CDH12: variants seen among roughly 807,000 people sequenced by gnomAD.
CDH12 encodes the protein cadherin-12.
A neutral mutation model predicts 74.1 loss-of-function variants in CDH12; 41 were observed. The observed-to-expected ratio is 0.55, with a 90% confidence interval of 0.43 to 0.72. CDH12 has a LOEUF of 0.72. Among genes scored for constraint, CDH12 ranks in the 30% least tolerant of loss-of-function variants. The pLI, the probability that CDH12 is intolerant of heterozygous loss-of-function variation, is 0.00. For missense variants in CDH12, 945 were observed against 977.2 expected, an observed-to-expected ratio of 0.97 and a Z score of 0.44; for synonymous variants, 399 against 355.0, an observed-to-expected ratio of 1.12 and a Z score of -1.39.
intron 5 of CDH12, among the ~76,000 whole-genome samples, chr5:22,031,609 G>A (rs774006522): frequency 1.8e-4 from 28 of 152,122 alleles, no homozygotes; most frequent in Non-Finnish European, 4.0e-4. Context: ...AGATTTTGAT[G>A]TAAAGTGAGA....
intron 3 of CDH12, among the ~76,000 whole-genome samples, chr5:22,327,495 T>C (rs922158863): frequency 6.6e-6 from 1 of 151,682 alleles, no homozygotes; most frequent in Non-Finnish European, 1.5e-5. Flanking sequence ...AAACTGAAAG[T>C]GTTTTAATTA....
At chr5:21,883,206 A>G (rs1198390803) in intron 6 of CDH12, 10 of 1,392,778 alleles carry the variant, frequency 7.2e-6, no homozygotes, top group Non-Finnish European at 1.0e-5. Flanking sequence ...GGATGGAAAA[A>G]CACTGAATGA....
At chr5:22,453,288 A>G (rs928096292) in intron 2 of CDH12, among the ~76,000 whole-genome samples, 1 of 152,102 alleles carries the variant, frequency 6.6e-6, no homozygotes, top group Non-Finnish European at 1.5e-5. Context: ...GTAGTCCTGT[A>G]TTTATTGCAG....
intron 3 of CDH12, among the ~76,000 whole-genome samples, chr5:22,384,566 CT>C (rs1741921621): frequency 6.7e-6 from 1 of 148,636 alleles, no homozygotes; most frequent in African/African-American, 2.4e-5. Context: ...AAGAAAATGT[CT>C]TTTTTATCCA....
Position 22,300,330 on chromosome 5 carries a change from T to TAAA in CDH12, c.-332-87690_-332-87688dup, listed in dbSNP as rs1351696677. On this transcript the variant is annotated intron_variant, in intron 3 of 14. Coordinates refer to ENST00000382254, the MANE Select transcript of CDH12 (RefSeq NM_004061.5). ...TATGCACTGGTTCCTCTCCTCTGTG[T>TAAA]AAAACTTCTAACTGGTTCTTCTTGA... Among the ~76,000 whole-genome samples, 3 of 152,336 alleles carry TAAA rather than the reference T, an allele frequency of 2.0e-5. No individual in the cohort carries two copies. In the South Asian group the frequency reaches 6.2e-4, roughly 32 times the overall value.
rs139936044 is a variant in CDH12 at position 22,618,164 on chromosome 5, A to C, written c.-522-112800T>G. Among the ~76,000 whole-genome samples, 34 of 152,270 alleles carry C rather than the reference A, an allele frequency of 2.2e-4. No individual in the cohort carries two copies. In the East Asian group the frequency reaches 6.6e-3, roughly 29 times the overall value. ...TATTTAGTTTGCAGATGTCAAAATT[A>C]TAAATTGTTTTTCATTCAAATAATG... On this transcript the variant is annotated intron_variant, in intron 1 of 14. Transcript: ENST00000382254.
At chr5:22,836,841 C>A (rs1280390736) in intron 1 of CDH12, among the ~76,000 whole-genome samples, 2 of 152,160 alleles carry the variant, frequency 1.3e-5, no homozygotes. Flanking sequence ...AAATTCAAGG[C>A]TGTGACCAAT....
At chr5:22,681,174 T>C (rs1741463789) in intron 1 of CDH12, among the ~76,000 whole-genome samples, 1 of 151,700 alleles carries the variant, frequency 6.6e-6, no homozygotes, top group South Asian at 2.1e-4. Context: ...AATTATACGT[T>C]TTTGTACAGC....
Position 22,808,809 on chromosome 5 carries a change from A to G in CDH12, c.-523+44249T>C, listed in dbSNP as rs1348498576. 3.6e-5 allele frequency among the ~76,000 whole-genome samples: 4 copies of G among 112,144 alleles called. No homozygotes were observed. The South Asian group carries it at 8.9e-4, about 25-fold the overall frequency. 73.6% of individuals were successfully genotyped at this position (112,144 alleles called of 152,430 possible). On this transcript the variant is annotated intron_variant, in intron 1 of 14. Coordinates refer to ENST00000382254, the MANE Select transcript of CDH12 (RefSeq NM_004061.5). ...TTTTTAGTAGAGGTGGGGTTTCACC[A>G]TGTTGGCCAGGATGTTCTCAATCTC... is the stretch of plus-strand genomic sequence containing the variant.
In CDH12 at chr5:21,835,777, C is replaced by T. The variant is rs181068187; in HGVS notation, c.814+6384G>A. ...GGTAGATTTCAAGATCATAAAACAA[C>T]CAATCTAAGCCTGGCTGCCAAAAAC... On this transcript the variant is annotated intron_variant, in intron 8 of 14. Transcript: ENST00000382254. Among the ~76,000 whole-genome samples, 4 of 151,710 alleles carry T rather than the reference C, an allele frequency of 2.6e-5. No homozygotes were observed. In the East Asian group the frequency reaches 7.7e-4, roughly 29 times the overall value.
intron 1 of CDH12, among the ~76,000 whole-genome samples, chr5:22,511,611 GGAA>G (rs1352613059): frequency 6.6e-6 from 1 of 152,148 alleles, no homozygotes; most frequent in Non-Finnish European, 1.5e-5. Flanking sequence ...GTGGAGTGAT[GGAA>G]GCTCTCAATC....
intron 1 of CDH12, among the ~76,000 whole-genome samples, chr5:22,680,210 G>T (rs1269683406): frequency 6.6e-6 from 1 of 152,008 alleles, no homozygotes; most frequent in Non-Finnish European, 1.5e-5. Context: ...TAACTGTATG[G>T]CCTTGGTAAA....
chr5:22,679,364 C>T (rs1407919801), intron 1 of CDH12, among the ~76,000 whole-genome samples: 2 of 152,044 alleles, frequency 1.3e-5, no homozygotes, highest in Non-Finnish European at 2.9e-5. Context: ...CTTTCTTCCT[C>T]TAAAGAGGAT....
At chr5:22,033,340 T>C (rs1479168983) in intron 5 of CDH12, among the ~76,000 whole-genome samples, 1 of 152,218 alleles carries the variant, frequency 6.6e-6, no homozygotes, top group African/African-American at 2.4e-5. Context: ...CTTGAATTTT[T>C]TCACAGCAAT....
chr5:22,049,517 A>G (rs1740201788), intron 5 of CDH12, among the ~76,000 whole-genome samples: 1 of 151,902 alleles, frequency 6.6e-6, no homozygotes, highest in Non-Finnish European at 1.5e-5. Flanking sequence ...TTGATTTTAA[A>G]ATATGTTTCT....
intron 2 of CDH12, among the ~76,000 whole-genome samples, chr5:22,416,297 G>A (rs1191759143): frequency 6.6e-6 from 1 of 151,432 alleles, no homozygotes; most frequent in Admixed American, 6.6e-5. Flanking sequence ...GGATGGTCTC[G>A]ATCTCCTGAC....
Position 21,750,832 on chromosome 5 carries a change from G to C in CDH12, c.*905C>G, listed in dbSNP as rs942086002. On this transcript the variant is annotated 3_prime_UTR_variant, in exon 15 of 15. Transcript: ENST00000382254. ...CATCTATGACTAAAAGCTGAATCTG[G>C]TGACTGTTAAAACCAATTTTCCACA... The C allele has an allele frequency of 6.6e-6, 1 of 152,048 alleles. No homozygotes were observed. The highest frequency in any genetic ancestry group is 2.4e-5 in the African/African-American group (1 of 41,400). The allele number at this position is 152,048 out of a possible 1,614,324, so 9.4% of individuals were successfully genotyped here.
At chr5:21,988,491 C>CAAAAAAAAAAA (rs1157872208) in intron 5 of CDH12, among the ~76,000 whole-genome samples, 4 of 29,504 alleles carry the variant, frequency 1.4e-4, no homozygotes, top group Admixed American at 6.2e-4. Flanking sequence ...GACTCCGTCT[C>CAAAAAAAAAAA]AAAAAAAAAA....
At chr5:22,107,187 CA>C (rs2150256120) in intron 4 of CDH12, among the ~76,000 whole-genome samples, 1 of 150,734 alleles carries the variant, frequency 6.6e-6, no homozygotes, top group South Asian at 2.1e-4. Context: ...GGCTAGAGTG[CA>C]ATGTCACGAT....
Sources: gnomAD v4.1 joint callset for allele counts (sites outside exome capture counted in the v4.1 genomes callset) on GRCh38, gnomAD v4.1.1 for gene constraint, MANE v1.5 for transcripts, NCBI Gene and HGNC (gene_info 2026-07-23, HGNC 2026-07-21) for gene names.